The following CHODL variants were observed in gnomAD, a reference collection of about 807,000 sequenced individuals.
CHODL encodes transmembrane protein MT75.
In CHODL, 29 loss-of-function variants were observed where a neutral mutation model predicts 34.5. The observed-to-expected ratio is 0.84, with a 90% confidence interval of 0.63 to 1.15. The LOEUF is 1.15. Among genes scored for constraint, CHODL ranks in the 50% most tolerant of loss-of-function variants. CHODL has a pLI of 0.00. For synonymous variants in CHODL, 125 were observed against 116.1 expected (o/e 1.08, Z -0.49); for missense variants, 332 against 332.5 (o/e 1.00, Z 0.01).
rs28470511 is a variant in CHODL at position 18,193,868 on chromosome 21, C to T, written c.-44-62641C>T. Among the ~76,000 whole-genome samples, 957 of 152,012 alleles carry T rather than the reference C, an allele frequency of 6.3e-3. 13 individuals carry two copies. The highest frequency in any genetic ancestry group is 0.022 in the African/African-American group (896 of 41,454). On this transcript the variant is annotated intron_variant, in intron 2 of 6. Transcript: ENST00000400127. ...AAGGGAATTCAGTATTCAGACCTAC[C>T]GATAGTGATTTTCTTTCTCGCCCTA...
chr21:18,266,232 G>C lies in CHODL; in HGVS notation c.*194G>C, dbSNP rs1472681245. Reference sequence around the variant, plus strand: ...TAAAGAATATGCTGTGCTAATAATGGAGTGAGACATGCTTATTTTGCTAAA... The same window carrying C: ...TAAAGAATATGCTGTGCTAATAATGCAGTGAGACATGCTTATTTTGCTAAA... On this transcript the variant is annotated 3_prime_UTR_variant, in exon 6 of 6. Transcript: ENST00000299295. 3.7e-5 allele frequency: 55 copies of C among 1,496,042 alleles called. No homozygotes were observed. In the South Asian group the frequency reaches 6.9e-4, roughly 19 times the overall value. 92.7% of individuals were successfully genotyped at this position (1,496,042 alleles called of 1,614,324 possible). A position where few individuals can be genotyped will look rare whatever the true frequency, so the allele number is the denominator to read the frequency against.
At chr21:18,015,149 A>T (rs549397246) in intron 1 of CHODL, among the ~76,000 whole-genome samples, 1 of 152,246 alleles carries the variant, frequency 6.6e-6, no homozygotes, top group African/African-American at 2.4e-5. Context: ...TCCCCACCCA[A>T]ATCTCCCATT....
intron 1 of CHODL, among the ~76,000 whole-genome samples, chr21:18,007,509 T>G (rs1026095946): frequency 5.9e-5 from 9 of 152,194 alleles, no homozygotes; most frequent in Admixed American, 3.9e-4. Context: ...TATTACATCT[T>G]GAGGTTTTGA....
intron 1 of CHODL, among the ~76,000 whole-genome samples, chr21:18,002,930 G>T (rs157755): frequency 0.76 from 115,485 of 151,768 alleles, 45,309 homozygotes; most frequent in African/African-American, 0.94. Context: ...GAGACCATCC[G>T]GGCTAACACG....
At chr21:18,250,094 C>T (rs950932720) in intron 1 of CHODL, among the ~76,000 whole-genome samples, 2 of 152,040 alleles carry the variant, frequency 1.3e-5, no homozygotes, top group Admixed American at 1.3e-4. Flanking sequence ...AAATTTGAGG[C>T]TTTTATTATT....
chr21:17,988,245 C>T (rs1438989097), intron 1 of CHODL, among the ~76,000 whole-genome samples: 1 of 152,074 alleles, frequency 6.6e-6, no homozygotes, highest in Admixed American at 6.6e-5. Context: ...ATAGATCTTG[C>T]TTGCCTTGTT....
At chr21:17,944,364 C>A (rs1428694010) in intron 1 of CHODL, among the ~76,000 whole-genome samples, 1 of 152,174 alleles carries the variant, frequency 6.6e-6, no homozygotes, top group East Asian at 1.9e-4. Context: ...AACAATCCTG[C>A]CCAGGTAGAA....
intron 2 of CHODL, among the ~76,000 whole-genome samples, chr21:18,028,964 T>C (rs1025499439): frequency 1.3e-5 from 2 of 152,210 alleles, no homozygotes; most frequent in African/African-American, 4.8e-5. Context: ...TTTTATTCCC[T>C]GAACATGGTC....
chr21:17,993,772 A>T (rs1983629182), intron 1 of CHODL, among the ~76,000 whole-genome samples: 1 of 152,152 alleles, frequency 6.6e-6, no homozygotes, highest in Admixed American at 6.5e-5. Flanking sequence ...TTCTGTTTTT[A>T]TGTCTTTGAA....
At chr21:18,028,372 T>G (rs567416483) in intron 2 of CHODL, among the ~76,000 whole-genome samples, 9 of 150,962 alleles carry the variant, frequency 6.0e-5, no homozygotes, top group South Asian at 4.2e-4. Flanking sequence ...TATTATCTAT[T>G]TTTACAGGTA....
intron 5 of CHODL, among the ~76,000 whole-genome samples, chr21:18,263,965 T>G (rs2074414897): frequency 6.6e-6 from 1 of 152,102 alleles, no homozygotes; most frequent in Non-Finnish European, 1.5e-5. Flanking sequence ...TGGCTTATTT[T>G]CCATACATGT....
At chr21:18,128,161 C>T (rs552998919) in intron 2 of CHODL, among the ~76,000 whole-genome samples, 7 of 151,038 alleles carry the variant, frequency 4.6e-5, no homozygotes, top group South Asian at 4.2e-4. Context: ...ATTAGCTGGG[C>T]GTGGTGGCGG....
chr21:18,171,114 G>C (rs35789815), intron 2 of CHODL, among the ~76,000 whole-genome samples: 114,877 of 131,158 alleles, frequency 0.88, 49,712 homozygotes, highest in African/African-American at 0.94. Context: ...TCCAGAATTT[G>C]TTTTTTTTTT....
At chr21:17,998,561 C>T (rs2063874099) in intron 1 of CHODL, among the ~76,000 whole-genome samples, 1 of 152,200 alleles carries the variant, frequency 6.6e-6, no homozygotes, top group East Asian at 1.9e-4. Flanking sequence ...TTTGCCTGGG[C>T]ATCCAGGCAT....
At chr21:18,012,006 A>G (rs182969333) in intron 1 of CHODL, among the ~76,000 whole-genome samples, 45 of 152,328 alleles carry the variant, frequency 3.0e-4, no homozygotes, top group African/African-American at 8.9e-4. Context: ...TGCATCTTTA[A>G]TATTCTGTTT....
chr21:18,018,758 A>C (rs1216021125), intron 1 of CHODL, among the ~76,000 whole-genome samples: 1 of 152,236 alleles, frequency 6.6e-6, no homozygotes, highest in Non-Finnish European at 1.5e-5. Flanking sequence ...CATTAAAAGT[A>C]ATGGGAAAAG....
intron 2 of CHODL, among the ~76,000 whole-genome samples, chr21:18,211,111 T>C (rs1470587666): frequency 1.3e-5 from 2 of 149,780 alleles, no homozygotes; most frequent in Non-Finnish European, 3.0e-5. Flanking sequence ...AATATTTATA[T>C]ATTTTATTCC....
intron 1 of CHODL, among the ~76,000 whole-genome samples, chr21:17,935,678 C>T (rs1419746408): frequency 6.6e-6 from 1 of 151,926 alleles, no homozygotes. Context: ...ATATCTATAC[C>T]AGCAGTGTAT....
At chr21:18,249,164 GTTAAAA>G (rs1184793229) in intron 1 of CHODL, among the ~76,000 whole-genome samples, 5 of 137,364 alleles carry the variant, frequency 3.6e-5, no homozygotes, top group African/African-American at 1.4e-4. Flanking sequence ...GGAGTCCAAG[GTTAAAA>G]TTCAGAAGAT....
Sources: allele counts gnomAD v4.1 joint callset (sites outside exome capture counted in the v4.1 genomes callset), GRCh38; gene constraint gnomAD v4.1.1; transcripts MANE v1.5; gene names NCBI Gene and HGNC (gene_info 2026-07-23, HGNC 2026-07-21).